RASAL2: variants seen among roughly 807,000 people sequenced by gnomAD.
The protein encoded by RASAL2 is ras GTPase-activating protein nGAP.
A neutral mutation model predicts 128.9 loss-of-function variants in RASAL2; 58 were observed. The observed-to-expected ratio is 0.45, with a 90% CI of 0.36 to 0.56. The LOEUF (loss-of-function observed/expected upper bound fraction) is 0.56, where lower values mean the gene tolerates loss of function less well. RASAL2 is among the 20% of genes least tolerant of loss of function. The pLI is 0.00. For synonymous variants in RASAL2, 561 were observed against 580.8 expected (o/e 0.97, Z 0.49); for missense variants, 1,360 against 1,601.6 (o/e 0.85, Z 2.57).
intron 1 of RASAL2, among the ~76,000 whole-genome samples, chr1:178,144,189 T>G (rs1354330065): frequency 1.3e-5 from 2 of 152,110 alleles, no homozygotes; most frequent in African/African-American, 4.8e-5. Flanking sequence ...CTACTTAACC[T>G]CTCTGCACAG....
chr1:178,434,299 A>G (rs1328714798), intron 5 of RASAL2, among the ~76,000 whole-genome samples: 1 of 152,112 alleles, frequency 6.6e-6, no homozygotes, highest in African/African-American at 2.4e-5. Context: ...TCTACTCCCT[A>G]GAATATGTCT....
chr1:178,396,821 G>T (rs533845645), intron 4 of RASAL2, among the ~76,000 whole-genome samples: 1 of 142,076 alleles, frequency 7.0e-6, no homozygotes, highest in South Asian at 2.2e-4. Context: ...TTGTTGAGTG[G>T]CTGGTAAAAA....
chr1:178,305,138 G>T (rs1017414158), intron 3 of RASAL2, among the ~76,000 whole-genome samples: 10 of 152,108 alleles, frequency 6.6e-5, no homozygotes, highest in Non-Finnish European at 2.9e-5. Flanking sequence ...ACTGATGAAA[G>T]AAATTGAAGA....
At chr1:178,312,806 C>G (rs1001771325) in intron 3 of RASAL2, among the ~76,000 whole-genome samples, 4 of 152,068 alleles carry the variant, frequency 2.6e-5, no homozygotes, top group African/African-American at 4.8e-5. Flanking sequence ...GATATCTAAG[C>G]AAATGAATAA....
intron 4 of RASAL2, among the ~76,000 whole-genome samples, chr1:178,398,337 T>G (rs2102643121): frequency 6.6e-6 from 1 of 152,298 alleles, no homozygotes; most frequent in East Asian, 1.9e-4. Flanking sequence ...CAACAAATTT[T>G]TATATCTTGT....
intron 1 of RASAL2, among the ~76,000 whole-genome samples, chr1:178,160,043 G>A (rs75863825): frequency 6.0e-4 from 90 of 151,168 alleles, no homozygotes; most frequent in Middle Eastern, 3.5e-3. Flanking sequence ...GGAAATAACC[G>A]GTCTATTTTC....
At chr1:178,342,517 A>C (rs1282674348) in intron 3 of RASAL2, among the ~76,000 whole-genome samples, 1 of 152,222 alleles carries the variant, frequency 6.6e-6, no homozygotes, top group African/African-American at 2.4e-5. Context: ...TCATCAAATC[A>C]CTATTGATAC....
At chr1:178,095,938 T>A (rs1050135547) in intron 1 of RASAL2, among the ~76,000 whole-genome samples, 5 of 152,166 alleles carry the variant, frequency 3.3e-5, no homozygotes, top group Non-Finnish European at 7.4e-5. Context: ...ATCCAGGAAT[T>A]CTTCTTATAA....
chr1:178,121,517 T>C (rs923803637), intron 1 of RASAL2, among the ~76,000 whole-genome samples: 3 of 151,850 alleles, frequency 2.0e-5, no homozygotes, highest in African/African-American at 7.3e-5. Context: ...GGATGGAGTC[T>C]CACTCTTGCC....
chr1:178,222,088 G>A (rs1218930194), intron 1 of RASAL2, among the ~76,000 whole-genome samples: 1 of 152,132 alleles, frequency 6.6e-6, no homozygotes, highest in Non-Finnish European at 1.5e-5. Flanking sequence ...TGTTAGCACA[G>A]TATAGCTTTC....
intron 1 of RASAL2, among the ~76,000 whole-genome samples, chr1:178,241,501 G>A (rs1326729603): frequency 6.6e-6 from 1 of 152,116 alleles, no homozygotes; most frequent in Non-Finnish European, 1.5e-5. Context: ...AGGCAGCTGT[G>A]GATTTGGAAA....
intron 3 of RASAL2, among the ~76,000 whole-genome samples, chr1:178,381,402 G>C (rs894472269): frequency 6.6e-6 from 1 of 152,144 alleles, no homozygotes; most frequent in African/African-American, 2.4e-5. Context: ...ATTTCGAAGA[G>C]ATACTTAGCA....
intron 2 of RASAL2, among the ~76,000 whole-genome samples, chr1:178,284,488 C>T (rs1258981139): frequency 2.6e-5 from 4 of 152,114 alleles, no homozygotes; most frequent in South Asian, 2.1e-4. Flanking sequence ...ATAGATCTGG[C>T]GAGGTAGACA....
At chr1:178,359,313 T>C (rs1313957654) in intron 3 of RASAL2, among the ~76,000 whole-genome samples, 3 of 152,246 alleles carry the variant, frequency 2.0e-5, no homozygotes, top group Non-Finnish European at 4.4e-5. Flanking sequence ...ATAATCATTT[T>C]GTTTTTACCT....
chr1:178,228,232 G>A (rs1027935176), intron 1 of RASAL2, among the ~76,000 whole-genome samples: 3 of 152,020 alleles, frequency 2.0e-5, no homozygotes, highest in African/African-American at 7.2e-5. Flanking sequence ...TTTTGTTTCT[G>A]TTATTTAATA....
chr1:178,199,735 A>T (rs1033264576), intron 1 of RASAL2, among the ~76,000 whole-genome samples: 1 of 152,138 alleles, frequency 6.6e-6, no homozygotes, highest in African/African-American at 2.4e-5. Context: ...GTGATGGTTA[A>T]TAGTGTCAAC....
intron 1 of RASAL2, among the ~76,000 whole-genome samples, chr1:178,116,650 C>A (rs1659528667): frequency 6.6e-6 from 1 of 152,066 alleles, no homozygotes; most frequent in Non-Finnish European, 1.5e-5. Flanking sequence ...TGCTCTGTCG[C>A]CCAGGCTTGA....
chr1:178,427,792 ATGTG>A (rs770926443), intron 5 of RASAL2, among the ~76,000 whole-genome samples: 1 of 151,736 alleles, frequency 6.6e-6, no homozygotes, highest in Non-Finnish European at 1.5e-5. Flanking sequence ...TCATTTGTGC[ATGTG>A]TGTGTGTGTA....
chr1:178,478,796 G>A lies in RASAL2; in HGVS notation c.*5557G>A, dbSNP rs145650805. ...TACATGTACAGATATAGATACGTTT[G>A]AGGTCTTTTATTGATATTCCTACAA... On this transcript the variant is annotated 3_prime_UTR_variant, in exon 18 of 18. Coordinates refer to ENST00000367649, the MANE Select transcript of RASAL2 (RefSeq NM_170692.4). The A allele has an allele frequency of 3.7e-4, 56 of 152,248 alleles. No individual in the cohort carries two copies. Among genetic ancestry groups the A allele is most frequent in the African/African-American group, 1.2e-3 (50 of 41,542 alleles). 9.4% of individuals were successfully genotyped at this position (152,248 alleles called of 1,614,324 possible).
Sources: allele counts gnomAD v4.1 joint callset (sites outside exome capture counted in the v4.1 genomes callset), GRCh38; gene constraint gnomAD v4.1.1; transcripts MANE v1.5; gene names NCBI Gene and HGNC (gene_info 2026-07-23, HGNC 2026-07-21).